Variants in SYTL3 observed in about 807,000 individuals in gnomAD.
The protein encoded by SYTL3 is synaptotagmin-like protein 3.
A neutral mutation model predicts 82.1 loss-of-function variants in SYTL3; 88 were observed. The ratio of observed to expected loss-of-function variants is 1.07; its 90% CI spans 0.90 to 1.28. The LOEUF is 1.28. SYTL3 is among the 50% of genes most tolerant of loss of function. The probability of loss-of-function intolerance (pLI) is 0.00; values close to 1 mark genes in which losing one functional copy is unlikely to be tolerated. For synonymous variants in SYTL3, 311 were observed against 289.4 expected, an observed-to-expected ratio of 1.07 and a Z score of -0.76; for missense variants, 831 against 757.6, an observed-to-expected ratio of 1.10 and a Z score of -1.14.
At chr6:158,739,599 T>C (rs970914418) in intron 11 of SYTL3, among the ~76,000 whole-genome samples, 6 of 152,054 alleles carry the variant, frequency 3.9e-5, no homozygotes, top group African/African-American at 1.4e-4. Flanking sequence ...TTTCTCTCCC[T>C]CTCCCATCTT....
chr6:158,700,117 G>C (rs1490403874), intron 6 of SYTL3, among the ~76,000 whole-genome samples: 1 of 151,922 alleles, frequency 6.6e-6, no homozygotes, highest in African/African-American at 2.4e-5. Flanking sequence ...GTAGCCAGGC[G>C]TGGTGGTGCG....
At chr6:158,717,981 C>A in intron 9 of SYTL3, 106 bp from the exon 10 acceptor site, 1 of 1,170,366 alleles carries the variant, frequency 8.5e-7, no homozygotes, top group South Asian at 1.9e-5. Context: ...CCTCTTAAGA[C>A]CTTGGGACCC....
At chr6:158,654,143 C>G (rs1008108162) in intron 2 of SYTL3, among the ~76,000 whole-genome samples, 2 of 152,162 alleles carry the variant, frequency 1.3e-5, no homozygotes, top group Non-Finnish European at 2.9e-5. Context: ...CACGTCTCTC[C>G]CTGGGAAGCC....
intron 11 of SYTL3, among the ~76,000 whole-genome samples, chr6:158,740,700 C>T (rs779945208): frequency 1.3e-5 from 2 of 152,142 alleles, no homozygotes; most frequent in East Asian, 1.9e-4. Context: ...GAATGCTGGA[C>T]ATTGAGTATG....
At chr6:158,734,162 C>A (rs1264627182) in intron 11 of SYTL3, among the ~76,000 whole-genome samples, 1 of 147,362 alleles carries the variant, frequency 6.8e-6, no homozygotes, top group African/African-American at 2.5e-5. Flanking sequence ...CTAAAAAAAA[C>A]CTTTTTGTCT....
chr6:158,725,669 T>G (rs1230808229), intron 11 of SYTL3, 32 bp downstream of exon 11: 3 of 1,597,772 alleles, frequency 1.9e-6, no homozygotes, highest in Non-Finnish European at 2.6e-6. Flanking sequence ...TTTTTTTGTT[T>G]TTTTGTTTTT....
chr6:158,702,950 C>G (rs1015302141), intron 6 of SYTL3, among the ~76,000 whole-genome samples: 2 of 151,820 alleles, frequency 1.3e-5, no homozygotes, highest in Non-Finnish European at 2.9e-5. Flanking sequence ...GTCAGGAGAT[C>G]GAGACCATCC....
At chr6:158,732,408 C>T (rs995938896) in intron 11 of SYTL3, among the ~76,000 whole-genome samples, 10 of 152,232 alleles carry the variant, frequency 6.6e-5, no homozygotes, top group African/African-American at 1.9e-4. Flanking sequence ...ATATTCCATC[C>T]GCACTCTAAA....
At chr6:158,755,976 G>C (rs756824546) in intron 13 of SYTL3, among the ~76,000 whole-genome samples, 1 of 152,194 alleles carries the variant, frequency 6.6e-6, no homozygotes, top group Non-Finnish European at 1.5e-5. Context: ...AACATGGTTT[G>C]AATTATACTG....
rs780748624 is a variant in SYTL3 at position 158,696,752 on chromosome 6, C to CAG, written c.395-10477_395-10476insGA. ...AAAAAAAGAACAAAGCTGGAGGACT[C>CAG]ACGCTTCCAGATCTCAAAACTTACT... On this transcript the variant is annotated intron_variant, in intron 6 of 17. Transcript: ENST00000611299. Among the ~76,000 whole-genome samples, 19 of 151,878 alleles carry CAG rather than the reference C, an allele frequency of 1.3e-4. 1 individual carries two copies. Among genetic ancestry groups the CAG allele is most frequent in the Non-Finnish European group, 1.8e-4 (12 of 67,990 alleles).
At chr6:158,698,311 C>G (rs1379729116) in intron 6 of SYTL3, among the ~76,000 whole-genome samples, 2 of 149,634 alleles carry the variant, frequency 1.3e-5, no homozygotes, top group Non-Finnish European at 3.0e-5. Context: ...GCAGGAGAAT[C>G]GCTTGAACAC....
chr6:158,698,931 C>G (rs1780855839), intron 6 of SYTL3, among the ~76,000 whole-genome samples: 1 of 152,162 alleles, frequency 6.6e-6, no homozygotes, highest in Non-Finnish European at 1.5e-5. Flanking sequence ...TAGTTTCTTA[C>G]ACAGGATGTT....
intron 2 of SYTL3, among the ~76,000 whole-genome samples, chr6:158,660,220 G>C (rs187685032): frequency 1.3e-5 from 2 of 151,976 alleles, no homozygotes; most frequent in Non-Finnish European, 2.9e-5. Context: ...AGCCGAGATC[G>C]CACCACTGCA....
At chr6:158,764,211 G>A (rs1790426630) in intron 17 of SYTL3, among the ~76,000 whole-genome samples, 1 of 152,200 alleles carries the variant, frequency 6.6e-6, no homozygotes, top group South Asian at 2.1e-4. Context: ...CCACTCCCTT[G>A]GTGAAGACCC....
chr6:158,706,803 A>G (rs534256972), intron 6 of SYTL3, among the ~76,000 whole-genome samples: 1 of 152,198 alleles, frequency 6.6e-6, no homozygotes, highest in Non-Finnish European at 1.5e-5. Flanking sequence ...TAAAAGATTA[A>G]TTTAATCTTC....
Position 158,663,039 on chromosome 6 carries a change from C to A in SYTL3, c.-230C>A. ...CCCGGGTAGCACGAGGCTCTGCGAG[C>A]CGTAACTCCGACAAACGCAGAACTT... On this transcript the variant is annotated 5_prime_UTR_variant, in exon 4 of 18. Transcript: ENST00000611299. The A allele has an allele frequency of 4.7e-6, 2 of 427,812 alleles. No homozygotes were observed. Among genetic ancestry groups the A allele is most frequent in the Non-Finnish European group, 8.4e-6 (2 of 238,868 alleles). 26.5% of individuals were successfully genotyped at this position (427,812 alleles called of 1,614,324 possible). A position where few individuals can be genotyped will look rare whatever the true frequency, so the allele number is the denominator to read the frequency against.
chr6:158,671,372 C>G (rs1344507746), intron 5 of SYTL3, among the ~76,000 whole-genome samples: 2 of 152,118 alleles, frequency 1.3e-5, no homozygotes, highest in African/African-American at 4.8e-5. Flanking sequence ...CAGCTGAAAC[C>G]TGTCACCCTG....
chr6:158,674,119 A>AATGATGATG (rs1554244792), intron 5 of SYTL3, among the ~76,000 whole-genome samples: 1 of 141,456 alleles, frequency 7.1e-6, no homozygotes, highest in African/African-American at 2.7e-5. Flanking sequence ...TAATAATAAT[A>AATGATGATG]ATGATGATGA....
Position 158,721,677 on chromosome 6 carries a change from G to T in SYTL3, c.720+3466G>T, listed in dbSNP as rs1400790458. 6.0e-4 allele frequency among the ~76,000 whole-genome samples: 91 copies of T among 152,080 alleles called. 2 individuals carry two copies. Among genetic ancestry groups the T allele is most frequent in the Admixed American group, 5.9e-3 (90 of 15,266 alleles). The stretch of plus-strand genomic sequence containing the variant: ...AGACAGAGTCTCATTCTGTTGCCCA[G>T]GCTGGAGTACGATGGCACAATCTTG... On this transcript the variant is annotated intron_variant, in intron 10 of 17. Coordinates refer to ENST00000611299, the MANE Select transcript of SYTL3 (RefSeq NM_001242394.2).
Sources: gnomAD v4.1 joint callset for allele counts (sites outside exome capture counted in the v4.1 genomes callset) on GRCh38, gnomAD v4.1.1 for gene constraint, MANE v1.5 for transcripts, NCBI Gene and HGNC (gene_info 2026-07-23, HGNC 2026-07-21) for gene names.